The following COL24A1 variants were observed in gnomAD, a reference collection of about 807,000 sequenced individuals.
COL24A1 encodes the protein collagen alpha-1(XXIV) chain.
Under a neutral mutation model 253.9 loss-of-function variants are expected in COL24A1, and 224 were observed. That is an observed-to-expected ratio of 0.88 (90% CI 0.79 to 0.99). The LOEUF (loss-of-function observed/expected upper bound fraction) is 0.99. Ranked by LOEUF, COL24A1 falls within the 50% of genes least tolerant of loss-of-function variation. COL24A1 has a pLI of 0.00. For synonymous variants in COL24A1, 685 were observed against 673.7 expected (o/e 1.02, Z -0.26); for missense variants, 2,131 against 2,068.5 (o/e 1.03, Z -0.59).
Position 86,033,718 on chromosome 1 carries a change from T to C in COL24A1, c.2004+152A>G, listed in dbSNP as rs534068910. The C allele has an allele frequency of 1.6e-3, 970 of 624,296 alleles. 4 individuals carry two copies. Among genetic ancestry groups the C allele is most frequent in the Non-Finnish European group, 1.5e-3 (578 of 378,562 alleles). The allele number at this position is 624,296 out of a possible 1,614,324, so 38.7% of individuals were successfully genotyped here. A position where few individuals can be genotyped will look rare whatever the true frequency, so the allele number is the denominator to read the frequency against. ...AATATTTTTGGTTAATTTCCTAAGC[T>C]GAAAAATCACAAACTGGAATGTGCA... On this transcript the variant is annotated intron_variant, in intron 13 of 59. Transcript: ENST00000370571.
chr1:85,933,915 C>A (rs1688034127), intron 24 of COL24A1, among the ~76,000 whole-genome samples: 1 of 152,082 alleles, frequency 6.6e-6, no homozygotes. Flanking sequence ...AAATTACCCC[C>A]AAAAGTTAGT....
chr1:85,836,396 A>G (rs759370183), intron 43 of COL24A1, among the ~76,000 whole-genome samples: 6 of 152,256 alleles, frequency 3.9e-5, no homozygotes, highest in Non-Finnish European at 8.8e-5. Flanking sequence ...ATTTTATGTT[A>G]CATGTATTTT....
chr1:85,737,557 T>A, intron 57 of COL24A1, 52 bp from the exon 58 acceptor site: 1 of 1,249,370 alleles, frequency 8.0e-7, no homozygotes, highest in Non-Finnish European at 1.1e-6. Flanking sequence ...GCCATAATCC[T>A]TATAATTTCT....
intron 55 of COL24A1, among the ~76,000 whole-genome samples, chr1:85,745,866 A>G (rs1665156112): frequency 6.6e-6 from 1 of 152,224 alleles, no homozygotes; most frequent in South Asian, 2.1e-4. Context: ...AAGAATAAAT[A>G]ACTGTAGCAA....
intron 19 of COL24A1, among the ~76,000 whole-genome samples, chr1:86,016,038 A>G (rs1696960181): frequency 1.4e-5 from 2 of 138,930 alleles, no homozygotes; most frequent in South Asian, 2.4e-4. Flanking sequence ...CTTTTAAAAC[A>G]TTTTTTCTTT....
At chr1:86,040,222 T>A (rs545697309) in intron 12 of COL24A1, among the ~76,000 whole-genome samples, 1 of 152,134 alleles carries the variant, frequency 6.6e-6, no homozygotes, top group East Asian at 1.9e-4. Context: ...GAGAATATAA[T>A]CCCTGAGCCC....
At chr1:85,986,666 G>C (rs1214966760) in intron 20 of COL24A1, among the ~76,000 whole-genome samples, 1 of 151,754 alleles carries the variant, frequency 6.6e-6, no homozygotes, top group Non-Finnish European at 1.5e-5. Flanking sequence ...AATTAAATGA[G>C]ATAATGACTA....
intron 19 of COL24A1, among the ~76,000 whole-genome samples, chr1:86,008,982 T>A (rs1696245455): frequency 7.0e-6 from 1 of 143,144 alleles, no homozygotes; most frequent in African/African-American, 2.7e-5. Flanking sequence ...TCTGAACAAA[T>A]GAAAGACAAC....
chr1:85,835,023 A>G (rs1054076018), intron 43 of COL24A1, among the ~76,000 whole-genome samples: 2 of 152,192 alleles, frequency 1.3e-5, no homozygotes, highest in African/African-American at 4.8e-5. Context: ...CCATGGGGGC[A>G]GAGACTGTGT....
chr1:85,775,192 T>G (rs1460526854), intron 53 of COL24A1, among the ~76,000 whole-genome samples: 1 of 152,202 alleles, frequency 6.6e-6, no homozygotes, highest in African/African-American at 2.4e-5. Flanking sequence ...TGAGTGAGAT[T>G]CTTAAACCTG....
In COL24A1 at chr1:85,882,405, C is replaced by T. The variant is rs775540387; in HGVS notation, c.2977-5230G>A. On this transcript the variant is annotated intron_variant, in intron 32 of 59. Transcript: ENST00000370571. ...GCGCGAACCCGGGAGGCGGAGCTTG[C>T]AGTGAGCCGAGATCGGCCACTGCAC... Among the ~76,000 whole-genome samples, 12 of 152,054 alleles carry T rather than the reference C, an allele frequency of 7.9e-5. 1 individual carries two copies. Among genetic ancestry groups the T allele is most frequent in the Non-Finnish European group, 7.4e-5 (5 of 68,006 alleles).
chr1:85,836,951 T>G (rs992416205), intron 43 of COL24A1, among the ~76,000 whole-genome samples: 4 of 152,252 alleles, frequency 2.6e-5, no homozygotes, highest in African/African-American at 9.6e-5. Context: ...AGTTAACTGC[T>G]CATTTGCTGG....
chr1:85,925,401 C>T (rs1687072872), intron 24 of COL24A1, among the ~76,000 whole-genome samples: 1 of 152,162 alleles, frequency 6.6e-6, no homozygotes, highest in Non-Finnish European at 1.5e-5. Flanking sequence ...CTGGAGGCAT[C>T]ACACTACCTG....
chr1:86,150,551 A>G (rs888002785), intron 1 of COL24A1, among the ~76,000 whole-genome samples: 1 of 152,190 alleles, frequency 6.6e-6, no homozygotes, highest in Non-Finnish European at 1.5e-5. Flanking sequence ...CTATGGTAGC[A>G]TATATGGTAG....
chr1:86,100,896 G>C (rs1285424787), intron 5 of COL24A1, among the ~76,000 whole-genome samples: 1 of 152,014 alleles, frequency 6.6e-6, no homozygotes, highest in Non-Finnish European at 1.5e-5. Flanking sequence ...TCTTTCATTA[G>C]GCTGTTCCTG....
chr1:85,792,646 T>C (rs1670411863), intron 47 of COL24A1, among the ~76,000 whole-genome samples: 1 of 151,786 alleles, frequency 6.6e-6, no homozygotes, highest in South Asian at 2.1e-4. Flanking sequence ...AGTTCAAAGA[T>C]GCAGTGAGCC....
At chr1:85,908,550 T>C in intron 27 of COL24A1, 48 bp downstream of exon 27, 1 of 1,071,902 alleles carries the variant, frequency 9.3e-7, no homozygotes, top group Non-Finnish European at 1.3e-6. Context: ...TGAGTTTAAA[T>C]TAAAGTAAAC....
chr1:86,012,446 T>G (rs1384257330), intron 19 of COL24A1, among the ~76,000 whole-genome samples: 1 of 151,826 alleles, frequency 6.6e-6, no homozygotes, highest in Non-Finnish European at 1.5e-5. Context: ...AAAATAAGCC[T>G]GGTGTGGTGG....
At position 85,744,718 on chromosome 1, in the gene COL24A1, G is replaced by T; in HGVS notation, c.4620C>A (p.Asn1540Lys). The change falls in exon 57 of 60, where the codon AAC (asparagine) becomes AAA (lysine). Residue 1540 changes from asparagine to lysine, a missense_variant. Asn to Lys is a moderately conservative substitution (Grantham distance 94). Transcript: ENST00000370571. The stretch of plus-strand genomic sequence containing the variant: ...GTAAATCTTTGCAGATTCGTGCTGG[G>T]TTATCTCGTGTGCCAAGAGGATTCT... Reference protein sequence around the residue: ...SIKNPLGTRDNPARICKDLLN... With the variant: ...SIKNPLGTRDKPARICKDLLN... 4 of 1,609,252 alleles carry T rather than the reference G, an allele frequency of 2.5e-6. No homozygotes were observed. Among genetic ancestry groups the T allele is most frequent in the Non-Finnish European group, 3.4e-6 (4 of 1,178,646 alleles).
Sources: gnomAD v4.1 joint callset for allele counts (sites outside exome capture counted in the v4.1 genomes callset) on GRCh38, gnomAD v4.1.1 for gene constraint, MANE v1.5 for transcripts, NCBI Gene and HGNC (gene_info 2026-07-23, HGNC 2026-07-21) for gene names.